Variants in TRIM67 observed in about 807,000 individuals in gnomAD.
The protein encoded by TRIM67 is tripartite motif-containing protein 67.
A neutral mutation model predicts 71.0 loss-of-function variants in TRIM67; 39 were observed. That is an observed-to-expected ratio of 0.55 (90% CI 0.43 to 0.72). The LOEUF (loss-of-function observed/expected upper bound fraction) is 0.72, where lower values mean the gene tolerates loss of function less well. Ranked by LOEUF, TRIM67 falls within the 30% of genes least tolerant of loss-of-function variation. The pLI is 0.00. For synonymous variants in TRIM67, 481 were observed against 473.9 expected, an observed-to-expected ratio of 1.01 and a Z score of -0.19; for missense variants, 973 against 1,079.2, an observed-to-expected ratio of 0.90 and a Z score of 1.38.
rs899960215 is a variant in TRIM67 at position 231,163,752 on chromosome 1, C to T, written c.783C>T (p.Ala261=). 1 of 1,493,450 alleles carries T rather than the reference C, an allele frequency of 6.7e-7. No individual in the cohort carries two copies. Among genetic ancestry groups the T allele is most frequent in the South Asian group, 1.3e-5 (1 of 78,398 alleles). 92.5% of individuals were successfully genotyped at this position (1,493,450 alleles called of 1,614,324 possible). Residue 261 remains alanine (A), a synonymous_variant, in exon 1 of 10, where the codon GCC becomes GCT. Transcript: ENST00000366653. ...CGCCGCCGCCGCCGCCGCCGCCCGC[C>T]GAGGCAGCCTCCGGGCCCACTGGCA... is the stretch of plus-strand genomic sequence containing the variant. The part of the protein sequence containing the change: ...VQPPPPPPPP[A]EAASGPTGTA...
intron 1 of TRIM67, among the ~76,000 whole-genome samples, chr1:231,175,898 T>C (rs933243968): frequency 2.0e-5 from 3 of 152,202 alleles, no homozygotes; most frequent in African/African-American, 7.2e-5. Flanking sequence ...TTGCAAAATA[T>C]CTTCTTTCAA....
intron 1 of TRIM67, among the ~76,000 whole-genome samples, chr1:231,188,217 A>C (rs1683138192): frequency 6.6e-6 from 1 of 152,208 alleles, no homozygotes; most frequent in South Asian, 2.1e-4. Flanking sequence ...GAGCAGGAGG[A>C]GGTGGTGGTC....
At chr1:231,206,558 C>A in intron 6 of TRIM67, 94 bp from the exon 7 acceptor site, 1 of 1,309,320 alleles carries the variant, frequency 7.6e-7, no homozygotes, top group Non-Finnish European at 1.0e-6. Flanking sequence ...CTGGCAACAG[C>A]ACTTTTAATG....
At chr1:231,164,440 A>C (rs1340940936) in intron 1 of TRIM67, among the ~76,000 whole-genome samples, 1 of 152,136 alleles carries the variant, frequency 6.6e-6, no homozygotes, top group African/African-American at 2.4e-5. Context: ...CTTGTATCTG[A>C]TACTGCGAGA....
At chr1:231,169,627 C>T (rs983377989) in intron 1 of TRIM67, among the ~76,000 whole-genome samples, 3 of 152,124 alleles carry the variant, frequency 2.0e-5, no homozygotes, top group African/African-American at 4.8e-5. Context: ...GATCCACCTG[C>T]CTCGGCCTCC....
At chr1:231,206,024 C>T (rs901197590) in intron 6 of TRIM67, among the ~76,000 whole-genome samples, 3 of 152,178 alleles carry the variant, frequency 2.0e-5, no homozygotes, top group African/African-American at 4.8e-5. Flanking sequence ...GCAGAGGGGC[C>T]GGGCAGCCAG....
chr1:231,208,459 C>A (rs554585716), intron 7 of TRIM67, among the ~76,000 whole-genome samples: 2 of 152,266 alleles, frequency 1.3e-5, no homozygotes, highest in South Asian at 2.1e-4. Flanking sequence ...CAGGTGTGAA[C>A]CACCATGCCC....
intron 1 of TRIM67, among the ~76,000 whole-genome samples, chr1:231,165,265 C>A (rs995384261): frequency 1.3e-5 from 2 of 152,200 alleles, no homozygotes; most frequent in African/African-American, 4.8e-5. Context: ...GGAGAGAAAT[C>A]CTGCTCTATA....
chr1:231,212,088 TTATAC>T (rs1440105219), intron 8 of TRIM67, among the ~76,000 whole-genome samples: 1 of 152,176 alleles, frequency 6.6e-6, no homozygotes, highest in Non-Finnish European at 1.5e-5. Flanking sequence ...CGATTAACTT[TTATAC>T]TTAGGTTTAG....
At chr1:231,200,713 C>T (rs554000663) in intron 4 of TRIM67, among the ~76,000 whole-genome samples, 1 of 152,296 alleles carries the variant, frequency 6.6e-6, no homozygotes, top group South Asian at 2.1e-4. Flanking sequence ...GAGTATCTCT[C>T]AGGAACATGG....
rs1159766852 is a variant in TRIM67 at position 231,167,319 on chromosome 1, C to CTTTTTTTTTTTTTTTTTTTTTTTTTTTT, written c.1044+3327_1044+3328insTTTTTTTTTTTTTTTTTTTTTTTTTTTT. The stretch of plus-strand genomic sequence containing the variant: ...ACAGGACTTTTGATCACTCTAATGT[C>CTTTTTTTTTTTTTTTTTTTTTTTTTTTT]TTTTTTTTTTTTTTTTTTTTTGAGA... On this transcript the variant is annotated intron_variant, in intron 1 of 9. Transcript: ENST00000366653. Among the ~76,000 whole-genome samples, 4 of 51,844 alleles carry CTTTTTTTTTTTTTTTTTTTTTTTTTTTT rather than the reference C, an allele frequency of 7.7e-5. 1 individual carries two copies. Among genetic ancestry groups the CTTTTTTTTTTTTTTTTTTTTTTTTTTTT allele is most frequent in the African/African-American group, 9.3e-5 (1 of 10,696 alleles). The allele number at this position is 51,844 out of a possible 152,430, so 34.0% of individuals were successfully genotyped here. A position where few individuals can be genotyped will look rare whatever the true frequency, so the allele number is the denominator to read the frequency against.
chr1:231,217,790 A>T lies in TRIM67; in HGVS notation c.*2350A>T. On this transcript the variant is annotated 3_prime_UTR_variant, in exon 10 of 10. Transcript: ENST00000366653. ...CACAAGTTGCCTGGGGCTACCCTGA[A>T]CCTAACCCCTTTGAGGGAGCAGCAT... 7.8e-7 allele frequency: 1 copy of T among 1,288,566 alleles called. No individual in the cohort carries two copies. The highest frequency in any genetic ancestry group is 1.2e-5 in the South Asian group (1 of 80,898). 79.8% of individuals were successfully genotyped at this position (1,288,566 alleles called of 1,614,324 possible).
intron 1 of TRIM67, chr1:231,184,953 AG>A (rs1683020708): frequency 1.4e-6 from 2 of 1,432,684 alleles, no homozygotes; most frequent in African/African-American, 1.4e-5. Flanking sequence ...CCCAGCTCTA[AG>A]GGTTGCTGGA....
chr1:231,164,453 G>A (rs1682395072), intron 1 of TRIM67, among the ~76,000 whole-genome samples: 1 of 152,144 alleles, frequency 6.6e-6, no homozygotes, highest in African/African-American at 2.4e-5. Context: ...CTGCGAGAAA[G>A]AGAGGAGCCA....
rs546170131 is a variant in TRIM67, at chr1:231,197,831, A to AAAG, written c.1140+384_1140+386dup. 2.5e-3 allele frequency among the ~76,000 whole-genome samples: 377 copies of AAAG among 150,336 alleles called. 2 individuals carry two copies. Among genetic ancestry groups the AAAG allele is most frequent in the African/African-American group, 8.2e-3 (336 of 40,914 alleles). On this transcript the variant is annotated intron_variant, in intron 2 of 9. Coordinates refer to ENST00000366653, the MANE Select transcript of TRIM67 (RefSeq NM_001004342.5). ...CAAGAGAGAAAGTCTGTCTCAAAGA[A>AAAG]AAGAAGAAGAAGAAGAAGAAGGAGA...
chr1:231,186,262 T>C (rs1683072663), intron 1 of TRIM67: 1 of 1,132,556 alleles, frequency 8.8e-7, no homozygotes, highest in African/African-American at 1.6e-5. Context: ...GATTTCTTCC[T>C]GAAGGAGGAG....
At position 231,212,797 on chromosome 1, in the gene TRIM67, C is replaced by G. The variant is rs549974729; in HGVS notation, c.2124-1018C>G. 3.0e-4 allele frequency among the ~76,000 whole-genome samples: 45 copies of G among 152,272 alleles called. 1 individual carries two copies. In the South Asian group the frequency reaches 7.1e-3, roughly 24 times the overall value. On this transcript the variant is annotated intron_variant, in intron 8 of 9. Coordinates refer to ENST00000366653, the MANE Select transcript of TRIM67 (RefSeq NM_001004342.5). ...GAGAAGATGTGGTCAGCCAAGCCCC[C>G]CCTTGGGAGCATGTTCCTTACTTTT...
chr1:231,209,134 G>T lies in TRIM67; in HGVS notation c.2007G>T (p.Gly669=), dbSNP rs544192822. The change falls in exon 8 of 10, where the codon GGG becomes GGT. Residue 669 remains glycine (G), a synonymous_variant. Transcript: ENST00000366653. This position sits in a 1 kb window ranked among gnomAD's most constrained non-coding sequence, Gnocchi z 4.1. ...ACAACCACCCAGACCCCGCCTTCGG[G>T]GTGGCCAGGGCCAGCGTGGTCAAGG... ...RYDNHPDPAF[G]VARASVVKDM... is the part of the protein sequence containing the mutation. 6 of 1,613,974 alleles carry T rather than the reference G, an allele frequency of 3.7e-6. No individual in the cohort carries two copies. The South Asian group carries it at 5.5e-5, about 15-fold the overall frequency.
chr1:231,162,882 G>A lies in TRIM67; in HGVS notation c.-88G>A. On this transcript the variant is annotated 5_prime_UTR_variant, in exon 1 of 10. Transcript: ENST00000366653. ...ATGCCCCCGCCCGTCGTCTCACCGG[G>A]GCGCACCGCGCTGGTCCTCCTCCGC... 3 of 1,517,286 alleles carry A rather than the reference G, an allele frequency of 2.0e-6. No individual in the cohort carries two copies. The highest frequency in any genetic ancestry group is 2.6e-6 in the Non-Finnish European group (3 of 1,136,094). 94.0% of individuals were successfully genotyped at this position (1,517,286 alleles called of 1,614,324 possible).
Sources: allele counts gnomAD v4.1 joint callset (sites outside exome capture counted in the v4.1 genomes callset), GRCh38; gene constraint gnomAD v4.1.1; non-coding constraint Gnocchi (gnomAD v3.1); transcripts MANE v1.5; gene names NCBI Gene and HGNC (gene_info 2026-07-23, HGNC 2026-07-21).